Variants in KERA observed in about 807,000 individuals in gnomAD.
KERA encodes keratan sulfate proteoglycan keratocan.
A neutral mutation model predicts 26.4 loss-of-function variants in KERA; 25 were observed. That is an observed-to-expected ratio of 0.95 (90% confidence interval 0.69 to 1.32). The LOEUF (loss-of-function observed/expected upper bound fraction) is 1.32, where lower values mean the gene tolerates loss of function less well. Ranked by LOEUF, KERA falls within the 40% of genes most tolerant of loss-of-function variation. KERA has a pLI of 0.00. For synonymous variants in KERA, 167 were observed against 146.1 expected (o/e 1.14, Z -1.03); for missense variants, 434 against 408.9 (o/e 1.06, Z -0.53).
Position 91,051,423 on chromosome 12 carries a change from C to A in KERA, c.982G>T (p.Asp328Tyr). The change falls in exon 3 of 3, where the codon GAT (aspartate) becomes TAT (tyrosine). Residue 328 changes from aspartate to tyrosine, a missense_variant. Coordinates refer to ENST00000266719, the MANE Select transcript of KERA (RefSeq NM_007035.4). Reference sequence around the variant, plus strand: ...ATTGGTGGTTTGATTTCATTTCCATCCAGACGGAGGTAGCGAAGATGAGGT... The same window carrying A: ...ATTGGTGGTTTGATTTCATTTCCATACAGACGGAGGTAGCGAAGATGAGGT... ...YGPHLRYLRL[D>Y]GNEIKPPIPM... is the part of the protein sequence containing the mutation. 6.2e-7 allele frequency: 1 copy of A among 1,611,224 alleles called. No homozygotes were observed. The highest frequency in any genetic ancestry group is 1.3e-5 in the African/African-American group (1 of 74,820).
intron 1 of KERA, among the ~76,000 whole-genome samples, chr12:91,056,868 A>T (rs920921176): frequency 6.0e-5 from 9 of 151,124 alleles, no homozygotes; most frequent in Admixed American, 4.0e-4. Flanking sequence ...CTCTAGCTCA[A>T]CCTCTCAAGT....
intron 1 of KERA, 104 bp from the exon 2 acceptor site, chr12:91,056,393 T>A (rs1879007032): frequency 1.1e-6 from 1 of 880,560 alleles, no homozygotes; most frequent in Admixed American, 1.9e-5. Flanking sequence ...AGGGAAGAGG[T>A]GAAAATATGT....
intron 2 of KERA, among the ~76,000 whole-genome samples, chr12:91,054,450 G>T (rs1878940288): frequency 6.6e-6 from 1 of 151,304 alleles, no homozygotes; most frequent in Non-Finnish European, 1.5e-5. Context: ...GTTTGAAGAT[G>T]CATAGATAAA....
In KERA at chr12:91,055,507, A is replaced by T; in HGVS notation, c.775T>A (p.Phe259Ile). 1 of 1,609,848 alleles carries T rather than the reference A, an allele frequency of 6.2e-7. No homozygotes were observed. Among genetic ancestry groups the T allele is most frequent in the South Asian group, 1.1e-5 (1 of 90,908 alleles). ...AGATCTAGAATTGATGATACATCAA[A>T]TCCTCTTGATGGGAGACCCTCATCT... ...LSDEGLPSRGFDVSSILDLQL... is the reference protein window; with the variant it reads ...LSDEGLPSRGIDVSSILDLQL... Residue 259 changes from phenylalanine (F) to isoleucine (I), a missense_variant, in exon 2 of 3, where the codon TTT becomes ATT. Phe to Ile is a conservative substitution (Grantham distance 21). Transcript: ENST00000266719.
intron 2 of KERA, among the ~76,000 whole-genome samples, chr12:91,053,887 G>A (rs964632865): frequency 6.6e-6 from 1 of 151,336 alleles, no homozygotes; most frequent in Non-Finnish European, 1.5e-5. Flanking sequence ...GTCACTTGAA[G>A]TTTACTTCCC....
Position 91,050,503 on chromosome 12 carries a change from CAT to C in KERA, c.*841_*842del, listed in dbSNP as rs1333109897. On this transcript the variant is annotated 3_prime_UTR_variant, in exon 3 of 3. Coordinates refer to ENST00000266719, the MANE Select transcript of KERA (RefSeq NM_007035.4). ...TTACTATAACACATTTTTATTAAAA[CAT>C]GTTCTTTAATGAAGCTTGCTAATTT... The C allele has an allele frequency of 6.6e-6, 1 of 151,476 alleles. No homozygotes were observed. Among genetic ancestry groups the C allele is most frequent in the Non-Finnish European group, 1.5e-5 (1 of 67,652 alleles). The allele number at this position is 151,476 out of a possible 1,614,324, so 9.4% of individuals were successfully genotyped here. A position where few individuals can be genotyped will look rare whatever the true frequency, so the allele number is the denominator to read the frequency against.
Position 91,055,574 on chromosome 12 carries a change from A to C in KERA, c.708T>G (p.Ile236Met). 6.2e-7 allele frequency: 1 copy of C among 1,610,918 alleles called. No individual in the cohort carries two copies. Among genetic ancestry groups the C allele is most frequent in the Non-Finnish European group, 8.5e-7 (1 of 1,177,962 alleles). Residue 236 changes from isoleucine to methionine, a missense_variant, in exon 2 of 3, where the codon ATT (isoleucine) becomes ATG (methionine). Ile to Met is a conservative substitution (Grantham distance 10). Coordinates refer to ENST00000266719, the MANE Select transcript of KERA (RefSeq NM_007035.4). The part of the protein sequence containing the change: ...EGIPENYFNV[I>M]PKVAFLRLNH... ...TTAGTCTCAAAAAGGCCACTTTAGG[A>C]ATCACATTAAAATAATTTTCTGGTA...
Position 91,051,309 on chromosome 12 carries a change from G to A in KERA, c.*37C>T, listed in dbSNP as rs1878859626. 2 of 1,541,482 alleles carry A rather than the reference G, an allele frequency of 1.3e-6. No individual in the cohort carries two copies. Among genetic ancestry groups the A allele is most frequent in the Admixed American group, 3.4e-5 (2 of 59,514 alleles). ...GTAACCACATTTCATGTCAGAAACA[G>A]CTCATTAAACTAATTTTAGATTTGG... On this transcript the variant is annotated 3_prime_UTR_variant, in exon 3 of 3. Coordinates refer to ENST00000266719, the MANE Select transcript of KERA (RefSeq NM_007035.4).
In KERA at chr12:91,055,877, C is replaced by A; in HGVS notation, c.405G>T (p.Glu135Asp). ...FLFLEDNELE[E>D]VPSPLPRSLE... ...AACTTCTTGGCAATGGAGAAGGTAC[C>A]TCCTCTAGCTCATTATCTTCCAGAA... Residue 135 changes from glutamate to aspartate, a missense_variant, in exon 2 of 3, where the codon GAG (glutamate) becomes GAT (aspartate). By Grantham distance (45) the Glu-to-Asp change is conservative (BLOSUM62 2). Transcript: ENST00000266719. 1.2e-6 allele frequency: 2 copies of A among 1,611,180 alleles called. No homozygotes were observed. Among genetic ancestry groups the A allele is most frequent in the Non-Finnish European group, 1.7e-6 (2 of 1,178,142 alleles).
intron 1 of KERA, among the ~76,000 whole-genome samples, chr12:91,056,772 G>C (rs1879016410): frequency 6.6e-6 from 1 of 151,168 alleles, no homozygotes; most frequent in Non-Finnish European, 1.5e-5. Flanking sequence ...TTGAACCAAA[G>C]GAATGAAGGG....
chr12:91,057,097 G>A (rs1423522271), intron 1 of KERA, among the ~76,000 whole-genome samples: 1 of 150,292 alleles, frequency 6.7e-6, no homozygotes, highest in African/African-American at 2.4e-5. Flanking sequence ...TATAGCACAA[G>A]TACATGAGTA....
intron 2 of KERA, among the ~76,000 whole-genome samples, chr12:91,054,915 G>C (rs1359610101): frequency 6.6e-6 from 1 of 151,180 alleles, no homozygotes; most frequent in East Asian, 1.9e-4. Context: ...GACTCCCACT[G>C]TAATTAGCGG....
Position 91,055,747 on chromosome 12 carries a change from C to T in KERA, c.535G>A (p.Val179Met). The stretch of plus-strand genomic sequence containing the variant: ...GTGTCTCTTTGAAAGGCATTGTCCA[C>T]TAATTTGTTGTTCTGTAGGTCAAGA... Reference protein sequence around the residue: ...TLLDLQNNKLVDNAFQRDTFK... With the variant: ...TLLDLQNNKLMDNAFQRDTFK... Residue 179 changes from valine to methionine, a missense_variant, in exon 2 of 3, where the codon GTG becomes ATG. Coordinates refer to ENST00000266719, the MANE Select transcript of KERA (RefSeq NM_007035.4). 6.2e-7 allele frequency: 1 copy of T among 1,611,438 alleles called. No homozygotes were observed. Among genetic ancestry groups the T allele is most frequent in the Non-Finnish European group, 8.5e-7 (1 of 1,178,280 alleles).
chr12:91,051,118 T>A lies in KERA; in HGVS notation c.*228A>T. The A allele has an allele frequency of 2.0e-6, 1 of 503,610 alleles. No individual in the cohort carries two copies. Among genetic ancestry groups the A allele is most frequent in the South Asian group, 2.1e-5 (1 of 47,026 alleles). The allele number at this position is 503,610 out of a possible 1,614,324, so 31.2% of individuals were successfully genotyped here. On this transcript the variant is annotated 3_prime_UTR_variant, in exon 3 of 3. Coordinates refer to ENST00000266719, the MANE Select transcript of KERA (RefSeq NM_007035.4). Reference sequence around the variant, plus strand: ...AAACTATCTTTGAGTTGATAAACTATCTTAACTCTGTGTCTGTTTTATTAA... The same window carrying A: ...AAACTATCTTTGAGTTGATAAACTAACTTAACTCTGTGTCTGTTTTATTAA...
chr12:91,055,018 A>G (rs1252444301), intron 2 of KERA, among the ~76,000 whole-genome samples: 5 of 151,256 alleles, frequency 3.3e-5, no homozygotes, highest in African/African-American at 4.8e-5. Flanking sequence ...CTCTTAAATC[A>G]TATTTTCTTT....
chr12:91,055,733 A>C lies in KERA; in HGVS notation c.549T>G (p.Phe183Leu). ...LQNNKLVDNA[F>L]QRDTFKGLKN... ...TGAGTCCTTTAAAAGTGTCTCTTTG[A>C]AAGGCATTGTCCACTAATTTGTTGT... Residue 183 changes from phenylalanine (F) to leucine (L), a missense_variant, in exon 2 of 3, where the codon TTT becomes TTG. Phe to Leu is a conservative substitution (Grantham distance 22, BLOSUM62 0). Transcript: ENST00000266719. 1 of 1,611,426 alleles carries C rather than the reference A, an allele frequency of 6.2e-7. No homozygotes were observed. Among genetic ancestry groups the C allele is most frequent in the South Asian group, 1.1e-5 (1 of 91,038 alleles).
intron 1 of KERA, among the ~76,000 whole-genome samples, chr12:91,057,233 C>T (rs895604334): frequency 3.3e-5 from 5 of 150,060 alleles, no homozygotes; most frequent in South Asian, 2.1e-4. Flanking sequence ...AGTAGGTTAG[C>T]GTTTACTAAT....
chr12:91,055,606 C>T lies in KERA; in HGVS notation c.676G>A (p.Glu226Lys). The T allele has an allele frequency of 6.2e-7, 1 of 1,610,982 alleles. No homozygotes were observed. Among genetic ancestry groups the T allele is most frequent in the Non-Finnish European group, 8.5e-7 (1 of 1,177,976 alleles). ...TTAAAATAATTTTCTGGTATTCCTT[C>T]AATGGAATTGTTGTCTAAAAACAAC... The part of the protein sequence containing the change: ...MQLFLDNNSI[E>K]GIPENYFNVI... The change falls in exon 2 of 3, where the codon GAA becomes AAA. Residue 226 changes from glutamate (E) to lysine (K), a missense_variant. By Grantham distance (56) the Glu-to-Lys change is moderately conservative (BLOSUM62 1). Coordinates refer to ENST00000266719, the MANE Select transcript of KERA (RefSeq NM_007035.4).
chr12:91,057,973 G>A lies in KERA; in HGVS notation c.-238C>T, dbSNP rs1289373565. On this transcript the variant is annotated 5_prime_UTR_variant, in exon 1 of 3. Coordinates refer to ENST00000266719, the MANE Select transcript of KERA (RefSeq NM_007035.4). ...GAAGACTGCTTACCTCAGCCTTCTT[G>A]GATCTTCTTCTTCCTTTTCTATTGG... is the stretch of plus-strand genomic sequence containing the variant. 3.3e-5 allele frequency: 5 copies of A among 151,122 alleles called. No homozygotes were observed. The highest frequency in any genetic ancestry group is 1.5e-5 in the Non-Finnish European group (1 of 67,480). 9.4% of individuals were successfully genotyped at this position (151,122 alleles called of 1,614,324 possible). A position where few individuals can be genotyped will look rare whatever the true frequency, so the allele number is the denominator to read the frequency against.
Sources: gnomAD v4.1 joint callset for allele counts (sites outside exome capture counted in the v4.1 genomes callset) on GRCh38, gnomAD v4.1.1 for gene constraint, MANE v1.5 for transcripts, NCBI Gene and HGNC (gene_info 2026-07-23, HGNC 2026-07-21) for gene names.